GPC1: variants seen among roughly 807,000 people sequenced by gnomAD.
GPC1 encodes glypican 1.
GPC1 carries 26 observed loss-of-function variants against 51.5 expected under a neutral mutation model. That is an observed-to-expected ratio of 0.50 (90% CI 0.37 to 0.70). The LOEUF (loss-of-function observed/expected upper bound fraction) is 0.70. GPC1 is among the 30% of genes least tolerant of loss of function. GPC1 has a pLI of 0.00. For synonymous variants in GPC1, 380 were observed against 348.3 expected, an observed-to-expected ratio of 1.09 and a Z score of -1.01; for missense variants, 775 against 800.5, an observed-to-expected ratio of 0.97 and a Z score of 0.38.
intron 1 of GPC1, chr2:240,457,561 G>C: frequency 2.2e-6 from 1 of 445,122 alleles, no homozygotes; most frequent in Non-Finnish European, 4.8e-6. Context: ...TTCTCTTGCA[G>C]TAAGCGGGTA....
chr2:240,438,139 T>C (rs1000129114), intron 1 of GPC1, among the ~76,000 whole-genome samples: 1 of 152,182 alleles, frequency 6.6e-6, no homozygotes, highest in African/African-American at 2.4e-5. Flanking sequence ...CATGGGCCAG[T>C]GCCTGCTGCC....
chr2:240,452,966 A>G, intron 1 of GPC1: 1 of 338,988 alleles, frequency 2.9e-6, no homozygotes, highest in Non-Finnish European at 5.9e-6. Context: ...CGGCCCGAGC[A>G]CCTGCACCCA....
Position 240,448,015 on chromosome 2 carries a change from C to G in GPC1, c.167-11015C>G, listed in dbSNP as rs896472801. On this transcript the variant is annotated intron_variant, in intron 1 of 8. Coordinates refer to ENST00000264039, the MANE Select transcript of GPC1 (RefSeq NM_002081.3). The surrounding 1 kb of genome is among the most constrained non-coding windows in gnomAD (Gnocchi z 4.5). ...TGGAAATGGCAAGAAGAGTTGCTGC[C>G]AGGCCATTCTGGGTGGAACACAGTG... Among the ~76,000 whole-genome samples, 1 of 152,156 alleles carries G rather than the reference C, an allele frequency of 6.6e-6. No homozygotes were observed. Among genetic ancestry groups the G allele is most frequent in the Non-Finnish European group, 1.5e-5 (1 of 68,022 alleles).
chr2:240,443,043 G>A (rs562003948), intron 1 of GPC1, among the ~76,000 whole-genome samples: 3 of 152,364 alleles, frequency 2.0e-5, no homozygotes, highest in Admixed American at 6.5e-5. Context: ...GTGGGCCTCC[G>A]CTTTTCCCTC....
chr2:240,447,582 T>A (rs1302986066), intron 1 of GPC1, among the ~76,000 whole-genome samples: 1 of 152,162 alleles, frequency 6.6e-6, no homozygotes, highest in Non-Finnish European at 1.5e-5. Context: ...CTCTTGAAGA[T>A]CATGGCCGTT....
chr2:240,454,948 A>T, intron 1 of GPC1: 1 of 236,158 alleles, frequency 4.2e-6, no homozygotes. Context: ...TTTGGGGTGA[A>T]GGTGCTGATG....
At chr2:240,449,785 A>G (rs1188391007) in intron 1 of GPC1, 8 of 464,548 alleles carry the variant, frequency 1.7e-5, no homozygotes, top group African/African-American at 1.4e-4. Context: ...GGGACCTCAC[A>G]TAAGTCGAGT....
intron 1 of GPC1, chr2:240,455,153 G>T (rs765987510): frequency 6.3e-6 from 1 of 158,902 alleles, no homozygotes. Context: ...AGAGCTCTGT[G>T]CTTTAACCTG....
At chr2:240,451,336 G>T in intron 1 of GPC1, 1 of 450,130 alleles carries the variant, frequency 2.2e-6, no homozygotes, top group Non-Finnish European at 4.6e-6. Context: ...TGCCCCCTGT[G>T]GGTGTAGCAG....
At chr2:240,441,405 G>A (rs897822236) in intron 1 of GPC1, among the ~76,000 whole-genome samples, 1 of 152,228 alleles carries the variant, frequency 6.6e-6, no homozygotes, top group South Asian at 2.1e-4. Flanking sequence ...GTGAGAGGCT[G>A]GACGCCTTTT....
rs150307275 is a variant in GPC1 at position 240,461,703 on chromosome 2, G to A, written c.326-488G>A. ...AGGAGAGCAGCCGAGACAGGGTGGC[G>A]GGAGGGGCAGCAGCCCTGGAGACTC... is the stretch of plus-strand genomic sequence containing the variant. On this transcript the variant is annotated intron_variant, in intron 2 of 8. Transcript: ENST00000264039. Among the ~76,000 whole-genome samples, 389 of 152,260 alleles carry A rather than the reference G, an allele frequency of 2.6e-3. 1 individual carries two copies. Among genetic ancestry groups the A allele is most frequent in the African/African-American group, 8.6e-3 (356 of 41,542 alleles).
intron 1 of GPC1, among the ~76,000 whole-genome samples, chr2:240,443,187 T>C (rs893790952): frequency 6.6e-6 from 1 of 152,040 alleles, no homozygotes; most frequent in South Asian, 2.1e-4. Flanking sequence ...CTGAAAACCT[T>C]CTCCAGGTTG....
intron 3 of GPC1, among the ~76,000 whole-genome samples, chr2:240,463,012 C>T (rs2074229703): frequency 6.6e-6 from 1 of 152,200 alleles, no homozygotes; most frequent in South Asian, 2.1e-4. Context: ...CCCAGCTAAG[C>T]TGGGACATAG....
chr2:240,461,408 T>G (rs534579953), intron 2 of GPC1, among the ~76,000 whole-genome samples: 1 of 152,342 alleles, frequency 6.6e-6, no homozygotes, highest in East Asian at 1.9e-4. Flanking sequence ...AGGGACGCTC[T>G]GAGCAGTTAC....
intron 1 of GPC1, among the ~76,000 whole-genome samples, chr2:240,446,285 T>A (rs542586015): frequency 2.5e-4 from 38 of 152,376 alleles, no homozygotes; most frequent in African/African-American, 9.1e-4. Flanking sequence ...CCAGGTCCTC[T>A]GCATCATTGG....
At chr2:240,460,255 C>T (rs896278208) in intron 2 of GPC1, among the ~76,000 whole-genome samples, 3 of 152,094 alleles carry the variant, frequency 2.0e-5, no homozygotes, top group Admixed American at 6.5e-5. Context: ...CAGCCCTCCC[C>T]GCTGGTGTGG....
intron 1 of GPC1, chr2:240,452,901 T>C: frequency 3.7e-6 from 1 of 267,194 alleles, no homozygotes. Flanking sequence ...CGTCCCCCGC[T>C]GGCTTTTCGC....
chr2:240,447,482 C>G (rs996367636), intron 1 of GPC1, among the ~76,000 whole-genome samples: 4 of 152,234 alleles, frequency 2.6e-5, no homozygotes, highest in Non-Finnish European at 5.9e-5. Context: ...CACACACTGC[C>G]TGCGCCCCTG....
chr2:240,452,704 C>T (rs188632851), intron 1 of GPC1: 4,203 of 151,384 alleles, frequency 0.028, 203 homozygotes, highest in East Asian at 0.18. Flanking sequence ...GGGGCCGGGG[C>T]GGCCGCCTGC....
Sources: allele counts gnomAD v4.1 joint callset (sites outside exome capture counted in the v4.1 genomes callset), GRCh38; gene constraint gnomAD v4.1.1; non-coding constraint Gnocchi (gnomAD v3.1); transcripts MANE v1.5; gene names NCBI Gene and HGNC (gene_info 2026-07-23, HGNC 2026-07-21).